DCC: variants seen among roughly 807,000 people sequenced by gnomAD.
DCC encodes the protein DCC netrin 1 receptor, also known as netrin receptor DCC.
Under a neutral mutation model 172.5 loss-of-function variants are expected in DCC, and 58 were observed. That is an observed-to-expected ratio of 0.34 (90% CI 0.27 to 0.42). DCC has a LOEUF of 0.42. Among genes scored for constraint, DCC ranks in the 10% least tolerant of loss-of-function variants. The pLI, the probability that DCC is intolerant of heterozygous loss-of-function variation, is 1.00. For synonymous variants in DCC, 709 were observed against 644.5 expected, an observed-to-expected ratio of 1.10 and a Z score of -1.52; for missense variants, 1,740 against 1,791.0, an observed-to-expected ratio of 0.97 and a Z score of 0.51.
intron 1 of DCC, among the ~76,000 whole-genome samples, chr18:52,596,457 A>G (rs1427604675): frequency 6.6e-6 from 1 of 152,192 alleles, no homozygotes; most frequent in East Asian, 1.9e-4. Flanking sequence ...CCTCGTGATC[A>G]TTGAATCAGC....
chr18:52,650,008 C>T (rs183944772), intron 1 of DCC, among the ~76,000 whole-genome samples: 30 of 124,058 alleles, frequency 2.4e-4, no homozygotes, highest in African/African-American at 7.7e-4. Context: ...GATGGAGTAT[C>T]GCTCTTGTTG....
chr18:53,489,814 T>C (rs1299744488), intron 26 of DCC, among the ~76,000 whole-genome samples: 1 of 152,234 alleles, frequency 6.6e-6, no homozygotes, highest in African/African-American at 2.4e-5. Flanking sequence ...TTTATATTTA[T>C]ATAGTTGTGA....
At chr18:53,037,510 C>G (rs2042111639) in intron 5 of DCC, among the ~76,000 whole-genome samples, 1 of 151,876 alleles carries the variant, frequency 6.6e-6, no homozygotes, top group South Asian at 2.1e-4. Flanking sequence ...TGCATCTTTG[C>G]CTCTTGGTCC....
intron 21 of DCC, among the ~76,000 whole-genome samples, chr18:53,426,476 T>A (rs190964119): frequency 1.3e-4 from 12 of 95,222 alleles, no homozygotes; most frequent in Admixed American, 4.9e-4. Flanking sequence ...TTATATATAT[T>A]TTTATATATG....
chr18:53,172,252 T>C (rs2055024732), intron 8 of DCC, among the ~76,000 whole-genome samples: 2 of 152,112 alleles, frequency 1.3e-5, no homozygotes, highest in South Asian at 2.1e-4. Flanking sequence ...TTCTCACTTA[T>C]AAGTAAGAGC....
intron 15 of DCC, among the ~76,000 whole-genome samples, chr18:53,385,494 A>G (rs955324901): frequency 1.3e-5 from 2 of 151,958 alleles, no homozygotes; most frequent in Admixed American, 1.3e-4. Flanking sequence ...TATTGTTTCA[A>G]TCTTGGTTAT....
intron 9 of DCC, among the ~76,000 whole-genome samples, chr18:53,191,025 T>G (rs900314592): frequency 2.6e-5 from 4 of 152,196 alleles, no homozygotes; most frequent in Non-Finnish European, 5.9e-5. Flanking sequence ...CTAACCGTCA[T>G]GCCAACGACC....
intron 2 of DCC, among the ~76,000 whole-genome samples, chr18:52,846,680 G>T (rs1255540617): frequency 6.9e-6 from 1 of 145,174 alleles, no homozygotes; most frequent in African/African-American, 2.5e-5. Flanking sequence ...GGTGTCTCTC[G>T]CAGAGATTGG....
chr18:52,596,639 G>A (rs544341144), intron 1 of DCC, among the ~76,000 whole-genome samples: 1 of 152,290 alleles, frequency 6.6e-6, no homozygotes, highest in East Asian at 1.9e-4. Flanking sequence ...CTGAAACCCA[G>A]AGTAATAAAA....
chr18:52,462,928 C>T (rs1432543770), intron 1 of DCC, among the ~76,000 whole-genome samples: 3 of 152,174 alleles, frequency 2.0e-5, no homozygotes, highest in Admixed American at 1.3e-4. Context: ...CTAACTGTAA[C>T]TCTGCAGAAG....
At chr18:52,756,045 C>T (rs546388940) in intron 2 of DCC, among the ~76,000 whole-genome samples, 1 of 152,318 alleles carries the variant, frequency 6.6e-6, no homozygotes, top group African/African-American at 2.4e-5. Context: ...AGGCTACTGA[C>T]TCTCAGTATT....
At chr18:52,657,216 G>A (rs2035272713) in intron 1 of DCC, among the ~76,000 whole-genome samples, 1 of 152,170 alleles carries the variant, frequency 6.6e-6, no homozygotes, top group Non-Finnish European at 1.5e-5. Context: ...CATAGTGTGT[G>A]TGAAGCAAGT....
intron 5 of DCC, among the ~76,000 whole-genome samples, chr18:53,018,985 G>A (rs1318583549): frequency 6.6e-6 from 1 of 152,116 alleles, no homozygotes; most frequent in East Asian, 1.9e-4. Flanking sequence ...GAACCAAGGA[G>A]AGTTCCAAGT....
At chr18:52,505,292 T>C (rs1051577705) in intron 1 of DCC, among the ~76,000 whole-genome samples, 17 of 152,190 alleles carry the variant, frequency 1.1e-4, no homozygotes, top group Non-Finnish European at 1.9e-4. Flanking sequence ...ATTTTATTTT[T>C]AGAAAATCCC....
intron 2 of DCC, among the ~76,000 whole-genome samples, chr18:52,787,489 T>C (rs1023914778): frequency 1.3e-5 from 2 of 152,170 alleles, no homozygotes; most frequent in Non-Finnish European, 2.9e-5. Flanking sequence ...TTATGATTGA[T>C]AGCATATACT....
chr18:52,489,542 C>A (rs1480275346), intron 1 of DCC, among the ~76,000 whole-genome samples: 2 of 152,074 alleles, frequency 1.3e-5, no homozygotes, highest in African/African-American at 4.8e-5. Context: ...AAGATTGATT[C>A]TCAGTAGCCG....
rs1224787492 is a variant in DCC, at chr18:53,109,597, C to CTTCCTTCT, written c.1261+43446_1261+43453dup. Among the ~76,000 whole-genome samples the CTTCCTTCT allele has an allele frequency of 2.1e-5, 3 of 141,052 alleles. No individual in the cohort carries two copies. The East Asian group carries it at 7.2e-4, about 34-fold the overall frequency. The allele number at this position is 141,052 out of a possible 152,430, so 92.5% of individuals were successfully genotyped here. Reference sequence around the variant, plus strand: ...CCCTCCCTCCCTCCCTCCTTCCTTCCTTCCTTCTTTCCTTCTTTCCTTAGC... The same window carrying CTTCCTTCT: ...CCCTCCCTCCCTCCCTCCTTCCTTCCTTCCTTCTTTCCTTCTTTCCTTCTTTCCTTAGC... On this transcript the variant is annotated intron_variant, in intron 7 of 28. Coordinates refer to ENST00000442544, the MANE Select transcript of DCC (RefSeq NM_005215.4).
chr18:52,876,692 T>A (rs973762165), intron 2 of DCC, among the ~76,000 whole-genome samples: 1 of 152,206 alleles, frequency 6.6e-6, no homozygotes, highest in Non-Finnish European at 1.5e-5. Context: ...TAAATATCTT[T>A]GTAAATGCAG....
At chr18:52,782,711 G>C (rs28659932) in intron 2 of DCC, among the ~76,000 whole-genome samples, 8,026 of 151,958 alleles carry the variant, frequency 0.053, 286 homozygotes, top group South Asian at 0.16. Flanking sequence ...CAATTGCTCT[G>C]CTCCTGCTTG....
Sources: gnomAD v4.1 joint callset for allele counts (sites outside exome capture counted in the v4.1 genomes callset) on GRCh38, gnomAD v4.1.1 for gene constraint, MANE v1.5 for transcripts, NCBI Gene and HGNC (gene_info 2026-07-23, HGNC 2026-07-21) for gene names.